Variants in NGLY1 observed in about 807,000 individuals in gnomAD.
NGLY1 encodes the protein N-glycanase 1.
A neutral mutation model predicts 84.6 loss-of-function variants in NGLY1; 68 were observed. The observed-to-expected ratio is 0.80, with a 90% confidence interval of 0.66 to 0.98. The LOEUF is 0.98. Among genes scored for constraint, NGLY1 ranks in the 50% least tolerant of loss-of-function variants. The probability of loss-of-function intolerance (pLI) is 0.00; values close to 1 mark genes in which losing one functional copy is unlikely to be tolerated. For synonymous variants in NGLY1, 280 were observed against 275.2 expected (o/e 1.02, Z -0.17); for missense variants, 779 against 770.2 (o/e 1.01, Z -0.14).
intron 3 of NGLY1, among the ~76,000 whole-genome samples, chr3:25,752,635 C>T (rs369477312): frequency 2.7e-5 from 4 of 149,964 alleles, no homozygotes; most frequent in Admixed American, 6.6e-5. Context: ...CAGCAAGATC[C>T]TATCTCTTAA....
Position 25,783,114 on chromosome 3 carries a change from G to T in NGLY1, c.131+146C>A. The stretch of plus-strand genomic sequence containing the variant: ...AGGCCCCTGGCCGGCGGGCTCGGAC[G>T]TTAGGAGCAGAACCAGCTCCAGGTC... On this transcript the variant is annotated intron_variant, in intron 1 of 11. Coordinates refer to ENST00000280700, the MANE Select transcript of NGLY1 (RefSeq NM_018297.4). This position sits in a 1 kb window ranked among gnomAD's most constrained non-coding sequence, Gnocchi z 4.5. 2 of 701,716 alleles carry T rather than the reference G, an allele frequency of 2.9e-6. No homozygotes were observed. The highest frequency in any genetic ancestry group is 4.5e-6 in the Non-Finnish European group (2 of 442,124). 43.5% of individuals were successfully genotyped at this position (701,716 alleles called of 1,614,324 possible).
intron 3 of NGLY1, chr3:25,754,872 A>C (rs1706953956): frequency 1.5e-6 from 1 of 653,614 alleles, no homozygotes; most frequent in Non-Finnish European, 2.8e-6. Context: ...ATGACCAACT[A>C]AGTTAAAGAC....
chr3:25,756,737 G>A (rs1707055112), intron 3 of NGLY1, among the ~76,000 whole-genome samples: 1 of 152,130 alleles, frequency 6.6e-6, no homozygotes, highest in East Asian at 1.9e-4. Flanking sequence ...TAGTTGCTGA[G>A]GATATCACAT....
rs1705594482 is a variant in NGLY1 at position 25,732,518 on chromosome 3, T to C, written c.1261-35A>G. The C allele has an allele frequency of 1.9e-6, 3 of 1,572,892 alleles. No individual in the cohort carries two copies. In the African/African-American group the frequency reaches 4.1e-5, roughly 21 times the overall value. ...ATGTTTTTTAAAAAAGTTGTTAAGATTAGGGGAATGTATAGGTCCATCTCT... is the reference window on the plus strand; with the variant it reads ...ATGTTTTTTAAAAAAGTTGTTAAGACTAGGGGAATGTATAGGTCCATCTCT... On this transcript the variant is annotated intron_variant, in intron 8 of 11. Coordinates refer to ENST00000280700, the MANE Select transcript of NGLY1 (RefSeq NM_018297.4).
chr3:25,731,107 T>C (rs1705517294), intron 9 of NGLY1, among the ~76,000 whole-genome samples: 2 of 152,044 alleles, frequency 1.3e-5, no homozygotes, highest in South Asian at 4.1e-4. Context: ...AAATAAATTT[T>C]AATATAACAG....
chr3:25,724,676 AC>A (rs1449346371), intron 10 of NGLY1, among the ~76,000 whole-genome samples: 2 of 152,072 alleles, frequency 1.3e-5, no homozygotes, highest in Middle Eastern at 3.4e-3. Context: ...TCTACTTCTC[AC>A]TTTTTCCTGA....
chr3:25,759,351 AT>A (rs1707195592), intron 3 of NGLY1, among the ~76,000 whole-genome samples: 1 of 151,348 alleles, frequency 6.6e-6, no homozygotes, highest in African/African-American at 2.4e-5. Context: ...CTCCATTTTT[AT>A]TTGAAAAAAT....
At chr3:25,727,441 G>C (rs150957914) in intron 10 of NGLY1, among the ~76,000 whole-genome samples, 2 of 152,126 alleles carry the variant, frequency 1.3e-5, no homozygotes, top group African/African-American at 4.8e-5. Context: ...ATGCCTTTTT[G>C]TTTCCTTGCC....
intron 3 of NGLY1, among the ~76,000 whole-genome samples, chr3:25,762,112 T>A (rs1707347294): frequency 6.6e-6 from 1 of 152,082 alleles, no homozygotes; most frequent in Non-Finnish European, 1.5e-5. Context: ...GTGACTATCA[T>A]CTTAACTTAT....
Position 25,733,864 on chromosome 3 carries a change from C to A in NGLY1, c.1260+8G>T. ...ACTGTTCTTTCAAAAAAGATAGCCA[C>A]ACCATACCTGCTTATTAAGCCCATT... On this transcript the variant is annotated splice_region_variant and intron_variant, in intron 8 of 11. Transcript: ENST00000280700. 4 of 1,602,860 alleles carry A rather than the reference C, an allele frequency of 2.5e-6. No individual in the cohort carries two copies. The highest frequency in any genetic ancestry group is 3.4e-6 in the Non-Finnish European group (4 of 1,171,862).
At chr3:25,777,462 T>C (rs1273617700) in intron 2 of NGLY1, among the ~76,000 whole-genome samples, 1 of 151,998 alleles carries the variant, frequency 6.6e-6, no homozygotes, top group Non-Finnish European at 1.5e-5. Context: ...GTCTAAGTCT[T>C]TTGCCACATT....
intron 3 of NGLY1, among the ~76,000 whole-genome samples, chr3:25,754,543 T>C (rs1455563708): frequency 1.3e-5 from 2 of 152,110 alleles, no homozygotes; most frequent in Non-Finnish European, 1.5e-5. Flanking sequence ...TCTGATGTGT[T>C]TTCAGAATAT....
chr3:25,742,553 T>C (rs1303874272), intron 4 of NGLY1, among the ~76,000 whole-genome samples: 3 of 152,286 alleles, frequency 2.0e-5, no homozygotes, highest in East Asian at 3.9e-4. Flanking sequence ...CAGGGAGAGT[T>C]TGGCGTTTCC....
chr3:25,751,795 G>A (rs1706764264), intron 3 of NGLY1, among the ~76,000 whole-genome samples: 1 of 152,222 alleles, frequency 6.6e-6, no homozygotes. Context: ...TGTCCTCAGG[G>A]CAAGCATTAG....
chr3:25,721,283 T>C (rs983970640), intron 10 of NGLY1, among the ~76,000 whole-genome samples: 4 of 152,116 alleles, frequency 2.6e-5, no homozygotes, highest in African/African-American at 4.8e-5. Flanking sequence ...CCCAGGCTGG[T>C]CTTGAACGCC....
intron 1 of NGLY1, chr3:25,789,732 C>A: frequency 8.5e-7 from 1 of 1,180,090 alleles, no homozygotes. Context: ...TTTGAAACTG[C>A]AGAGAATTTC....
upstream of NGLY1, chr3:25,783,446 G>A: frequency 7.0e-7 from 1 of 1,438,302 alleles, no homozygotes; most frequent in Non-Finnish European, 9.1e-7. This position sits in a 1 kb window ranked among gnomAD's most constrained non-coding sequence, Gnocchi z 4.5. Flanking sequence ...CCCACACTGA[G>A]CAGGCGCCTC....
chr3:25,743,525 C>T (rs529737293), intron 4 of NGLY1, among the ~76,000 whole-genome samples: 1 of 152,264 alleles, frequency 6.6e-6, no homozygotes, highest in East Asian at 1.9e-4. Flanking sequence ...TCTTACTAGT[C>T]GTCACTCACT....
chr3:25,742,336 G>A (rs1054834667), intron 4 of NGLY1, among the ~76,000 whole-genome samples: 4 of 152,154 alleles, frequency 2.6e-5, no homozygotes, highest in South Asian at 2.1e-4. Flanking sequence ...ATAGGGAATT[G>A]TATAAATAAT....
Sources: gnomAD v4.1 joint callset for allele counts (sites outside exome capture counted in the v4.1 genomes callset) on GRCh38, gnomAD v4.1.1 for gene constraint, Gnocchi (gnomAD v3.1) non-coding constraint, MANE v1.5 for transcripts, NCBI Gene and HGNC (gene_info 2026-07-23, HGNC 2026-07-21) for gene names.